KCNIP4: variants seen among roughly 807,000 people sequenced by gnomAD.
KCNIP4 encodes the protein potassium voltage-gated channel interacting protein 4, also known as Kv channel-interacting protein 4.
In KCNIP4, 12 loss-of-function variants were observed where a neutral mutation model predicts 34.0. The observed-to-expected ratio is 0.35, with a 90% CI of 0.23 to 0.57. The LOEUF (loss-of-function observed/expected upper bound fraction) is 0.57. Ranked by LOEUF, KCNIP4 falls within the 20% of genes least tolerant of loss-of-function variation. KCNIP4 has a pLI of 0.83. For missense variants in KCNIP4, 238 were observed against 311.7 expected, an observed-to-expected ratio of 0.76 and a Z score of 1.78; for synonymous variants, 124 against 102.2, an observed-to-expected ratio of 1.21 and a Z score of -1.29.
chr4:21,577,572 A>G (rs1740839107), intron 1 of KCNIP4, among the ~76,000 whole-genome samples: 1 of 152,152 alleles, frequency 6.6e-6, no homozygotes, highest in Non-Finnish European at 1.5e-5. Context: ...CGGAGGTTAC[A>G]GTGAGCCGAG....
At chr4:21,636,490 T>TA (rs1484159761) in intron 1 of KCNIP4, among the ~76,000 whole-genome samples, 2 of 152,132 alleles carry the variant, frequency 1.3e-5, no homozygotes, top group South Asian at 2.1e-4. Context: ...CAGGCAGCAC[T>TA]AAAAAATGGA....
At chr4:21,382,638 C>G (rs1721618494) in intron 1 of KCNIP4, among the ~76,000 whole-genome samples, 1 of 152,148 alleles carries the variant, frequency 6.6e-6, no homozygotes, top group Non-Finnish European at 1.5e-5. Context: ...TTAGTAACAT[C>G]TACACCTGCA....
chr4:20,809,196 C>G (rs999237722), intron 3 of KCNIP4, among the ~76,000 whole-genome samples: 2 of 152,072 alleles, frequency 1.3e-5, no homozygotes, highest in Non-Finnish European at 2.9e-5. Context: ...ATATTCTTAG[C>G]AAATCATTGG....
chr4:21,924,090 C>T (rs1245857216), intron 1 of KCNIP4, among the ~76,000 whole-genome samples: 1 of 152,084 alleles, frequency 6.6e-6, no homozygotes, highest in South Asian at 2.1e-4. Flanking sequence ...TCAATAATCA[C>T]ATATCCAGAA....
At position 21,170,470 on chromosome 4, in the gene KCNIP4, TG is replaced by T. The variant is rs936289496; in HGVS notation, c.62-287762del. On this transcript the variant is annotated intron_variant, in intron 1 of 8. Coordinates refer to ENST00000382152, the MANE Select transcript of KCNIP4 (RefSeq NM_025221.6). The stretch of plus-strand genomic sequence containing the variant: ...GGATTGTCAGCAAACATTAAATCAC[TG>T]TATCTAAATATGAATCTTCTATATT... 8.6e-4 allele frequency among the ~76,000 whole-genome samples: 131 copies of T among 152,276 alleles called. 9 individuals are homozygous for T. The highest frequency in any genetic ancestry group is 1.0e-3 in the South Asian group (5 of 4,826).
At chr4:20,842,399 G>A (rs1394904675) in intron 3 of KCNIP4, among the ~76,000 whole-genome samples, 1 of 151,972 alleles carries the variant, frequency 6.6e-6, no homozygotes, top group Non-Finnish European at 1.5e-5. Context: ...AGTAAATAGG[G>A]ATGAGTGAGG....
chr4:21,454,516 T>C (rs910349460), intron 1 of KCNIP4, among the ~76,000 whole-genome samples: 2 of 152,128 alleles, frequency 1.3e-5, no homozygotes, highest in Non-Finnish European at 2.9e-5. Flanking sequence ...AAAATGCTTC[T>C]GATATGCTAA....
At chr4:21,225,043 A>AAG (rs1758277728) in intron 1 of KCNIP4, among the ~76,000 whole-genome samples, 2 of 152,198 alleles carry the variant, frequency 1.3e-5, no homozygotes, top group African/African-American at 4.8e-5. Flanking sequence ...TGTTCTGAGC[A>AAG]TGTTTAAGGT....
chr4:20,988,000 C>CAAAA (rs36044149), intron 1 of KCNIP4, among the ~76,000 whole-genome samples: 801 of 46,298 alleles, frequency 0.017, 70 homozygotes, highest in African/African-American at 0.063. Flanking sequence ...GATTCCATCT[C>CAAAA]AAAAAAAAAA....
At chr4:21,612,922 A>C (rs1255465123) in intron 1 of KCNIP4, among the ~76,000 whole-genome samples, 1 of 152,182 alleles carries the variant, frequency 6.6e-6, no homozygotes, top group African/African-American at 2.4e-5. Flanking sequence ...CTTCCTTTTA[A>C]TAGAAGTAAT....
At chr4:21,563,019 G>A (rs1292107021) in intron 1 of KCNIP4, among the ~76,000 whole-genome samples, 1 of 151,974 alleles carries the variant, frequency 6.6e-6, no homozygotes, top group Non-Finnish European at 1.5e-5. Flanking sequence ...TGTCAGTTAG[G>A]TTTTAAAGGA....
At chr4:21,206,655 C>T (rs1483000989) in intron 1 of KCNIP4, among the ~76,000 whole-genome samples, 1 of 152,160 alleles carries the variant, frequency 6.6e-6, no homozygotes, top group Non-Finnish European at 1.5e-5. Flanking sequence ...CTCTGAACCC[C>T]AGTTGCTTTA....
At chr4:21,704,041 A>G (rs554207255) in intron 1 of KCNIP4, among the ~76,000 whole-genome samples, 1 of 152,280 alleles carries the variant, frequency 6.6e-6, no homozygotes, top group South Asian at 2.1e-4. Flanking sequence ...ATGCACACCT[A>G]ATTTTGACAA....
rs540745717 is a variant in KCNIP4 at position 21,541,196 on chromosome 4, A to G, written c.61+407375T>C. ...AAAAGAAAACAAAAAAAAAAAAAAA[A>G]AGAGAGAGAGAGAGAGATGAAAAAA... On this transcript the variant is annotated intron_variant, in intron 1 of 8. Coordinates refer to ENST00000382152, the MANE Select transcript of KCNIP4 (RefSeq NM_025221.6). Among the ~76,000 whole-genome samples, 178 of 146,822 alleles carry G rather than the reference A, an allele frequency of 1.2e-3. 2 individuals carry two copies. Among genetic ancestry groups the G allele is most frequent in the African/African-American group, 3.2e-3 (120 of 37,608 alleles).
At chr4:21,842,556 T>C (rs1420367887) in intron 1 of KCNIP4, among the ~76,000 whole-genome samples, 6 of 152,172 alleles carry the variant, frequency 3.9e-5, no homozygotes, top group Admixed American at 2.0e-4. Context: ...CTGTATTTTA[T>C]GTACAAATAC....
At chr4:20,921,226 T>C (rs901882778) in intron 1 of KCNIP4, among the ~76,000 whole-genome samples, 22 of 152,152 alleles carry the variant, frequency 1.4e-4, no homozygotes, top group Admixed American at 3.3e-4. Context: ...AATTCTAAGT[T>C]GACGCCAATG....
chr4:21,812,729 C>T (rs1260460569), intron 1 of KCNIP4, among the ~76,000 whole-genome samples: 1 of 151,994 alleles, frequency 6.6e-6, no homozygotes, highest in Admixed American at 6.5e-5. Flanking sequence ...CAAGAACACA[C>T]AAAGATCATA....
intron 1 of KCNIP4, among the ~76,000 whole-genome samples, chr4:21,446,651 G>T (rs1018221764): frequency 6.7e-6 from 1 of 150,052 alleles, no homozygotes; most frequent in African/African-American, 2.5e-5. Flanking sequence ...GGGAGGGATA[G>T]CATTAGGAGA....
chr4:21,865,313 CAA>C (rs796120723), intron 1 of KCNIP4, among the ~76,000 whole-genome samples: 2 of 91,416 alleles, frequency 2.2e-5, no homozygotes, highest in African/African-American at 3.7e-5. Flanking sequence ...CACAAACAAA[CAA>C]AAAAAAAAAG....
Sources: gnomAD v4.1 joint callset for allele counts (sites outside exome capture counted in the v4.1 genomes callset) on GRCh38, gnomAD v4.1.1 for gene constraint, MANE v1.5 for transcripts, NCBI Gene and HGNC (gene_info 2026-07-23, HGNC 2026-07-21) for gene names.